Variants in CNTN3 observed in about 807,000 individuals in gnomAD.
The protein encoded by CNTN3 is contactin-3.
CNTN3 carries 60 observed loss-of-function variants against 119.1 expected under a neutral mutation model. The ratio of observed to expected loss-of-function variants is 0.50; its 90% CI spans 0.41 to 0.62. The LOEUF (loss-of-function observed/expected upper bound fraction) is 0.62, where lower values mean the gene tolerates loss of function less well. Ranked by LOEUF, CNTN3 falls within the 20% of genes least tolerant of loss-of-function variation. The probability of loss-of-function intolerance (pLI) is 0.00; values close to 1 mark genes in which losing one functional copy is unlikely to be tolerated. For missense variants in CNTN3, 1,101 were observed against 1,242.4 expected, an observed-to-expected ratio of 0.89 and a Z score of 1.71; for synonymous variants, 450 against 438.7, an observed-to-expected ratio of 1.03 and a Z score of -0.32.
intron 1 of CNTN3, among the ~76,000 whole-genome samples, chr3:74,582,603 C>T: frequency 6.6e-6 from 1 of 152,134 alleles, no homozygotes; most frequent in East Asian, 1.9e-4. Flanking sequence ...AGGCTTACAG[C>T]ATCAGCCATG....
chr3:74,289,140 A>G (rs1702176929), intron 19 of CNTN3, among the ~76,000 whole-genome samples: 1 of 152,146 alleles, frequency 6.6e-6, no homozygotes, highest in African/African-American at 2.4e-5. Flanking sequence ...TTCTCCCCCA[A>G]CCAAGGTTAA....
chr3:74,322,376 T>C (rs528811640), intron 13 of CNTN3, among the ~76,000 whole-genome samples: 30 of 152,246 alleles, frequency 2.0e-4, no homozygotes, highest in South Asian at 1.7e-3. Context: ...TATATGCAGA[T>C]GGCAAGTAAG....
In CNTN3 at chr3:74,589,419, A is replaced by G. The variant is rs1322205616; in HGVS notation, c.-81+24972T>C. Among the ~76,000 whole-genome samples the G allele has an allele frequency of 4.9e-4, 72 of 146,754 alleles. 1 individual carries two copies. Among genetic ancestry groups the G allele is most frequent in the East Asian group, 1.4e-3 (7 of 4,946 alleles). On this transcript the variant is annotated intron_variant, in intron 1 of 22. Coordinates refer to ENST00000263665, the MANE Select transcript of CNTN3 (RefSeq NM_020872.3). ...AAACCACAATGAGATACCATCTCAC[A>G]CCAGTTAGAATGGCAATCATTAAAA...
intron 6 of CNTN3, 120 bp downstream of exon 6, chr3:74,371,076 G>A: frequency 1.4e-6 from 1 of 693,946 alleles, no homozygotes; most frequent in Non-Finnish European, 2.5e-6. Flanking sequence ...AAAATAGTCT[G>A]TGCCAAAAAA....
chr3:74,407,036 A>T (rs1701332225), intron 5 of CNTN3, among the ~76,000 whole-genome samples: 1 of 152,110 alleles, frequency 6.6e-6, no homozygotes. Context: ...AAAACCGAGG[A>T]TGTATAGAAT....
In CNTN3 at chr3:74,418,981, GC is replaced by G. The variant is rs1244555401; in HGVS notation, c.454+5863del. On this transcript the variant is annotated intron_variant, in intron 5 of 22. Coordinates refer to ENST00000263665, the MANE Select transcript of CNTN3 (RefSeq NM_020872.3). ...AATTTTTTTTTTTTGTATTTTAGTAGCGGGGCAGTTTCGCCATGTTGCCCAG... is the reference window on the plus strand; with the variant it reads ...AATTTTTTTTTTTTGTATTTTAGTAGGGGGCAGTTTCGCCATGTTGCCCAG... Among the ~76,000 whole-genome samples, 26 of 150,992 alleles carry G rather than the reference GC, an allele frequency of 1.7e-4. No homozygotes were observed. In the East Asian group the frequency reaches 5.1e-3, roughly 30 times the overall value.
chr3:74,410,833 T>C (rs1701425719), intron 5 of CNTN3, among the ~76,000 whole-genome samples: 1 of 152,098 alleles, frequency 6.6e-6, no homozygotes, highest in Admixed American at 6.6e-5. Flanking sequence ...ATTAACTGAA[T>C]TTACAAATGC....
intron 4 of CNTN3, among the ~76,000 whole-genome samples, chr3:74,478,920 T>C (rs148040714): frequency 6.6e-6 from 1 of 152,086 alleles, no homozygotes; most frequent in Non-Finnish European, 1.5e-5. Flanking sequence ...TACACTAGAA[T>C]ATGGTATAGA....
chr3:74,486,866 T>A (rs1322445740), intron 3 of CNTN3, among the ~76,000 whole-genome samples: 1 of 152,136 alleles, frequency 6.6e-6, no homozygotes, highest in African/African-American at 2.4e-5. Flanking sequence ...TTTTAAAGGT[T>A]TCTTAGGAGG....
chr3:74,415,859 T>C (rs1701511303), intron 5 of CNTN3, among the ~76,000 whole-genome samples: 1 of 152,144 alleles, frequency 6.6e-6, no homozygotes, highest in Non-Finnish European at 1.5e-5. Context: ...AACTCTCAAA[T>C]TCAGACTTGT....
intron 19 of CNTN3, among the ~76,000 whole-genome samples, chr3:74,294,145 T>C (rs955103779): frequency 6.6e-6 from 1 of 152,126 alleles, no homozygotes; most frequent in African/African-American, 2.4e-5. Context: ...AGGAGTTACA[T>C]GCTTCCTCAG....
chr3:74,361,203 G>T (rs1704066308), intron 11 of CNTN3, among the ~76,000 whole-genome samples: 1 of 152,110 alleles, frequency 6.6e-6, no homozygotes, highest in Admixed American at 6.5e-5. Flanking sequence ...TCTGGCAGGT[G>T]TTTACCTAAG....
chr3:74,480,857 A>C (rs559001817), intron 4 of CNTN3, among the ~76,000 whole-genome samples: 2 of 152,118 alleles, frequency 1.3e-5, no homozygotes, highest in Non-Finnish European at 2.9e-5. Flanking sequence ...ATTTTGTTAA[A>C]CATAGATACT....
chr3:74,347,504 G>T (rs56993391), intron 11 of CNTN3, among the ~76,000 whole-genome samples: 3,023 of 152,324 alleles, frequency 0.02, 98 homozygotes, highest in African/African-American at 0.069. Flanking sequence ...GCCTCCCAAA[G>T]TGCTAGGATT....
At chr3:74,419,156 CTG>C (rs1701578573) in intron 5 of CNTN3, among the ~76,000 whole-genome samples, 2 of 152,160 alleles carry the variant, frequency 1.3e-5, no homozygotes, top group Non-Finnish European at 2.9e-5. Flanking sequence ...TCAAGGAAAA[CTG>C]TGTGCCTAAG....
At chr3:74,378,946 T>C (rs1029897703) in intron 5 of CNTN3, among the ~76,000 whole-genome samples, 6 of 152,222 alleles carry the variant, frequency 3.9e-5, no homozygotes, top group African/African-American at 1.2e-4. Flanking sequence ...TTCCTTTTTC[T>C]CTCTCTTGTT....
intron 1 of CNTN3, among the ~76,000 whole-genome samples, chr3:74,568,146 T>TA (rs76391321): frequency 5.9e-5 from 9 of 151,662 alleles, no homozygotes; most frequent in African/African-American, 7.3e-5. Context: ...TATGATAACT[T>TA]AAAAAAAAAT....
chr3:74,459,041 T>C (rs1406514457), intron 4 of CNTN3, among the ~76,000 whole-genome samples: 3 of 152,042 alleles, frequency 2.0e-5, no homozygotes, highest in Admixed American at 2.0e-4. Context: ...ACCTGCTTCA[T>C]GTGAAGTTTG....
intron 1 of CNTN3, among the ~76,000 whole-genome samples, chr3:74,530,393 G>A (rs569640706): frequency 6.6e-6 from 1 of 151,940 alleles, no homozygotes; most frequent in South Asian, 2.1e-4. Flanking sequence ...CAGAGACTGA[G>A]TAGAGGATTT....
Sources: gnomAD v4.1 joint callset for allele counts (sites outside exome capture counted in the v4.1 genomes callset) on GRCh38, gnomAD v4.1.1 for gene constraint, MANE v1.5 for transcripts, NCBI Gene and HGNC (gene_info 2026-07-23, HGNC 2026-07-21) for gene names.